Variants in NTNG2 observed in about 807,000 individuals in gnomAD.
The protein encoded by NTNG2 is netrin-G2.
Under a neutral mutation model 47.6 loss-of-function variants are expected in NTNG2, and 15 were observed. That is an observed-to-expected ratio of 0.32 (90% CI 0.21 to 0.49). The LOEUF is 0.49. Among genes scored for constraint, NTNG2 ranks in the 20% least tolerant of loss-of-function variants. The probability of loss-of-function intolerance (pLI) is 0.99; values close to 1 mark genes in which losing one functional copy is unlikely to be tolerated. For synonymous variants in NTNG2, 307 were observed against 324.6 expected (o/e 0.95, Z 0.58); for missense variants, 578 against 764.6 (o/e 0.76, Z 2.88).
At chr9:132,216,541 G>C (rs1840010556) in intron 3 of NTNG2, among the ~76,000 whole-genome samples, 2 of 151,844 alleles carry the variant, frequency 1.3e-5, no homozygotes, top group African/African-American at 4.8e-5. Context: ...GGGGTGGAGA[G>C]GGAACAGCCC....
intron 2 of NTNG2, among the ~76,000 whole-genome samples, chr9:132,183,944 G>A (rs548569907): frequency 9.3e-4 from 142 of 152,248 alleles, no homozygotes; most frequent in African/African-American, 3.2e-3. Flanking sequence ...CACCCCTCCC[G>A]TCCCCAGGTA....
rs980729743 is a variant in NTNG2 at position 132,215,320 on chromosome 9, C to T, written c.858-11529C>T. Among the ~76,000 whole-genome samples the T allele has an allele frequency of 6.6e-6, 1 of 152,244 alleles. No homozygotes were observed. The highest frequency in any genetic ancestry group is 2.4e-5 in the African/African-American group (1 of 41,548). On this transcript the variant is annotated intron_variant, in intron 3 of 7. Transcript: ENST00000393229. This position sits in a 1 kb window ranked among gnomAD's most constrained non-coding sequence, Gnocchi z 4.2. ...TGGGGGCCAGGCATGGTGGCTTATA[C>T]CTGTAATCCCAGCATTTTGGGAGGC...
chr9:132,234,910 G>A (rs539264557), intron 5 of NTNG2, among the ~76,000 whole-genome samples: 11 of 152,334 alleles, frequency 7.2e-5, no homozygotes, highest in South Asian at 2.1e-4. Context: ...CACAGCCACC[G>A]TTGTGTATAA....
At position 132,207,994 on chromosome 9, in the gene NTNG2, C is replaced by T. The variant is rs142759629; in HGVS notation, c.857+9385C>T. On this transcript the variant is annotated intron_variant, in intron 3 of 7. Transcript: ENST00000393229. Reference sequence around the variant, plus strand: ...TGGTGTGCGCCTGTGGTCTCAGATACCTGGGAGGCTGAGGTGGGAGGATTG... The same window carrying T: ...TGGTGTGCGCCTGTGGTCTCAGATATCTGGGAGGCTGAGGTGGGAGGATTG... Among the ~76,000 whole-genome samples the T allele has an allele frequency of 3.6e-3, 555 of 152,156 alleles. 5 individuals are homozygous for T. The highest frequency in any genetic ancestry group is 0.012 in the African/African-American group (511 of 41,500).
At chr9:132,227,853 G>A (rs1840899793) in intron 4 of NTNG2, among the ~76,000 whole-genome samples, 1 of 152,212 alleles carries the variant, frequency 6.6e-6, no homozygotes, top group African/African-American at 2.4e-5. Context: ...GGCTGCAAGT[G>A]GAGAAGGCCA....
At chr9:132,210,322 C>G (rs1419273123) in intron 3 of NTNG2, among the ~76,000 whole-genome samples, 1 of 152,090 alleles carries the variant, frequency 6.6e-6, no homozygotes, top group Non-Finnish European at 1.5e-5. Flanking sequence ...TCAGGAGGTG[C>G]CTGAGGAAGG....
chr9:132,186,493 CGGA>C (rs890654475), intron 2 of NTNG2, among the ~76,000 whole-genome samples: 6 of 152,226 alleles, frequency 3.9e-5, no homozygotes, highest in Non-Finnish European at 8.8e-5. Context: ...GTTCGGCTGA[CGGA>C]GGAGATCAGT....
At chr9:132,194,453 C>T (rs1838129048) in intron 2 of NTNG2, among the ~76,000 whole-genome samples, 1 of 152,238 alleles carries the variant, frequency 6.6e-6, no homozygotes, top group African/African-American at 2.4e-5. Flanking sequence ...CAGCACAGGA[C>T]AGGGTGTGTC....
At position 132,182,167 on chromosome 9, in the gene NTNG2, C is replaced by T. The variant is rs1436904113; in HGVS notation, c.213+15123C>T. Among the ~76,000 whole-genome samples, 3 of 152,242 alleles carry T rather than the reference C, an allele frequency of 2.0e-5. No individual in the cohort carries two copies. The highest frequency in any genetic ancestry group is 2.1e-4 in the South Asian group (1 of 4,838). On this transcript the variant is annotated intron_variant, in intron 2 of 7. Coordinates refer to ENST00000393229, the MANE Select transcript of NTNG2 (RefSeq NM_032536.4). This position sits in a 1 kb window ranked among gnomAD's most constrained non-coding sequence, Gnocchi z 4.2. ...CACTTATTTCATGTCTATTTGGCAG[C>T]GAGCGTGCTCCCACGCACCAGCTCT... is the stretch of plus-strand genomic sequence containing the variant.
chr9:132,242,160 G>A lies in NTNG2; in HGVS notation c.*49G>A. 3 of 963,790 alleles carry A rather than the reference G, an allele frequency of 3.1e-6. No homozygotes were observed. The highest frequency in any genetic ancestry group is 4.9e-5 in the South Asian group (1 of 20,384). The allele number at this position is 963,790 out of a possible 1,614,324, so 59.7% of individuals were successfully genotyped here. ...GCACCCGGAGGCCGGGGGTCCCGGGGTCCCGGGGCGGGGCCGGCGTCCGAG... is the reference window on the plus strand; with the variant it reads ...GCACCCGGAGGCCGGGGGTCCCGGGATCCCGGGGCGGGGCCGGCGTCCGAG... On this transcript the variant is annotated 3_prime_UTR_variant, in exon 8 of 8. Transcript: ENST00000393229. The surrounding 1 kb of genome is among the most constrained non-coding windows in gnomAD (Gnocchi z 5.9).
At chr9:132,233,319 G>GCACACGCACATGTACACA (rs1841377889) in intron 5 of NTNG2, 2 of 146,452 alleles carry the variant, frequency 1.4e-5, no homozygotes, top group South Asian at 4.5e-4. Context: ...ACACAGGCAT[G>GCACACGCACATGTACACA]CACACGCACA....
intron 2 of NTNG2, among the ~76,000 whole-genome samples, chr9:132,173,692 A>AGACG (rs1836113169): frequency 6.7e-6 from 1 of 149,664 alleles, no homozygotes; most frequent in African/African-American, 2.5e-5. Context: ...GCTGCGGATG[A>AGACG]GACGGATGGA....
Position 132,241,552 on chromosome 9 carries a change from C to G in NTNG2, c.1358-324C>G, listed in dbSNP as rs113872829. On this transcript the variant is annotated intron_variant, in intron 7 of 7. Coordinates refer to ENST00000393229, the MANE Select transcript of NTNG2 (RefSeq NM_032536.4). Reference sequence around the variant, plus strand: ...GGAGGCTGTCCAAGTCGGCGTTAGCCGCGGGCACAGGGTGAAAGGAGGCTC... The same window carrying G: ...GGAGGCTGTCCAAGTCGGCGTTAGCGGCGGGCACAGGGTGAAAGGAGGCTC... The G allele has an allele frequency of 1.0e-3, 376 of 376,824 alleles. 3 individuals are homozygous for G. Among genetic ancestry groups the G allele is most frequent in the African/African-American group, 7.5e-3 (347 of 46,316 alleles). 23.3% of individuals were successfully genotyped at this position (376,824 alleles called of 1,614,324 possible).
intron 2 of NTNG2, among the ~76,000 whole-genome samples, chr9:132,171,292 G>T (rs1015679720): frequency 6.6e-6 from 1 of 152,174 alleles, no homozygotes; most frequent in Non-Finnish European, 1.5e-5. Flanking sequence ...ATCTGTAAAA[G>T]GGGTATGATC....
In NTNG2 at chr9:132,239,277, A is replaced by G; in HGVS notation, c.1222+6A>G. On this transcript the variant is annotated splice_donor_region_variant and intron_variant, in intron 6 of 7. Coordinates refer to ENST00000393229, the MANE Select transcript of NTNG2 (RefSeq NM_032536.4). ...TGATGAGAACGTCTGCATTGGTGAG[A>G]GGGCACGGACACGGCACAGGGAACT... 2 of 1,613,350 alleles carry G rather than the reference A, an allele frequency of 1.2e-6. No homozygotes were observed. The highest frequency in any genetic ancestry group is 1.7e-6 in the Non-Finnish European group (2 of 1,179,982).
chr9:132,194,389 C>G (rs1216116870), intron 2 of NTNG2, among the ~76,000 whole-genome samples: 1 of 152,254 alleles, frequency 6.6e-6, no homozygotes, highest in Admixed American at 6.5e-5. Flanking sequence ...CTGCTACCCA[C>G]TCAGGCCATT....
In NTNG2 at chr9:132,242,140, C is replaced by T. The variant is rs1842031559; in HGVS notation, c.*29C>T. On this transcript the variant is annotated 3_prime_UTR_variant, in exon 8 of 8. Transcript: ENST00000393229. This position sits in a 1 kb window ranked among gnomAD's most constrained non-coding sequence, Gnocchi z 5.9. Reference sequence around the variant, plus strand: ...CCGCCCGGAGGACGCTCCCCGCACCCGGAGGCCGGGGGTCCCGGGGTCCCG... The same window carrying T: ...CCGCCCGGAGGACGCTCCCCGCACCTGGAGGCCGGGGGTCCCGGGGTCCCG... 1.9e-6 allele frequency: 2 copies of T among 1,071,974 alleles called. No individual in the cohort carries two copies. Among genetic ancestry groups the T allele is most frequent in the Non-Finnish European group, 2.3e-6 (2 of 879,596 alleles). The allele number at this position is 1,071,974 out of a possible 1,614,324, so 66.4% of individuals were successfully genotyped here.
chr9:132,189,675 TG>T (rs1360337298), intron 2 of NTNG2, among the ~76,000 whole-genome samples: 10 of 152,096 alleles, frequency 6.6e-5, no homozygotes, highest in Non-Finnish European at 1.3e-4. Context: ...AGTCTCACTC[TG>T]TCACCCAGGC....
intron 3 of NTNG2, among the ~76,000 whole-genome samples, chr9:132,204,226 G>A (rs1320374584): frequency 6.6e-6 from 1 of 152,162 alleles, no homozygotes; most frequent in Non-Finnish European, 1.5e-5. Flanking sequence ...GACTGGCCAA[G>A]CCCGGCTCCT....
Sources: allele counts gnomAD v4.1 joint callset (sites outside exome capture counted in the v4.1 genomes callset), GRCh38; gene constraint gnomAD v4.1.1; non-coding constraint Gnocchi (gnomAD v3.1); transcripts MANE v1.5; gene names NCBI Gene and HGNC (gene_info 2026-07-23, HGNC 2026-07-21).